Variants in NOS1AP observed in about 807,000 individuals in gnomAD.
NOS1AP encodes the protein nitric oxide synthase 1 adaptor protein.
Under a neutral mutation model 56.2 loss-of-function variants are expected in NOS1AP, and 21 were observed. That is an observed-to-expected ratio of 0.37 (90% CI 0.26 to 0.54). NOS1AP has a LOEUF of 0.54. NOS1AP is among the 20% of genes least tolerant of loss of function. The probability of loss-of-function intolerance (pLI) is 0.84; values close to 1 mark genes in which losing one functional copy is unlikely to be tolerated. For missense variants in NOS1AP, 522 were observed against 657.8 expected (o/e 0.79, Z 2.26); for synonymous variants, 270 against 274.6 (o/e 0.98, Z 0.17).
At position 162,121,082 on chromosome 1, in the gene NOS1AP, ATTTT is replaced by A. The variant is rs372854857; in HGVS notation, c.106-33305_106-33302del. ...CTGCTAAAGAACTTGGCACACTAGG[ATTTT>A]TTTTTTTTTTTTTTTTTCATTTGAA... On this transcript the variant is annotated intron_variant, in intron 1 of 9. Coordinates refer to ENST00000361897, the MANE Select transcript of NOS1AP (RefSeq NM_014697.3). Among the ~76,000 whole-genome samples the A allele has an allele frequency of 5.1e-3, 525 of 103,068 alleles. 4 individuals carry two copies. Among genetic ancestry groups the A allele is most frequent in the African/African-American group, 0.018 (490 of 27,864 alleles). The allele number at this position is 103,068 out of a possible 152,430, so 67.6% of individuals were successfully genotyped here.
intron 4 of NOS1AP, among the ~76,000 whole-genome samples, chr1:162,308,172 A>G (rs1655903710): frequency 6.6e-6 from 1 of 152,268 alleles, no homozygotes; most frequent in African/African-American, 2.4e-5. Flanking sequence ...CCCTTTAGAC[A>G]TTAATGTAGA....
intron 4 of NOS1AP, chr1:162,317,605 G>A (rs989090905): frequency 1.3e-5 from 2 of 152,196 alleles, no homozygotes; most frequent in Non-Finnish European, 2.9e-5. Context: ...AAGAGAGCAT[G>A]TAGTATTGGC....
chr1:162,110,861 T>C (rs1647682299), intron 1 of NOS1AP, among the ~76,000 whole-genome samples: 1 of 152,238 alleles, frequency 6.6e-6, no homozygotes. Context: ...GCAGCACTAA[T>C]AAATAGTAGA....
chr1:162,158,569 T>C (rs1039361851), intron 2 of NOS1AP, among the ~76,000 whole-genome samples: 4 of 152,242 alleles, frequency 2.6e-5, no homozygotes, highest in African/African-American at 9.6e-5. Context: ...ACCTCCATAC[T>C]GTTTTCCATA....
chr1:162,248,533 G>C (rs916863994), intron 2 of NOS1AP, among the ~76,000 whole-genome samples: 1 of 152,188 alleles, frequency 6.6e-6, no homozygotes, highest in Non-Finnish European at 1.5e-5. Flanking sequence ...CTTCTAATAT[G>C]CTCCGCTTTT....
Position 162,330,761 on chromosome 1 carries a change from A to G in NOS1AP, c.345-2256A>G, listed in dbSNP as rs139297923. Among the ~76,000 whole-genome samples the G allele has an allele frequency of 2.0e-3, 298 of 152,350 alleles. 1 individual carries two copies. The highest frequency in any genetic ancestry group is 6.9e-3 in the African/African-American group (287 of 41,580). On this transcript the variant is annotated intron_variant, in intron 4 of 9. Coordinates refer to ENST00000361897, the MANE Select transcript of NOS1AP (RefSeq NM_014697.3). The stretch of plus-strand genomic sequence containing the variant: ...GGTGAGTTAGGAAGCAGAGCAGCAC[A>G]CTGTTTACAGGATGTTGTAAAAATC...
chr1:162,366,842 C>A, intron 9 of NOS1AP: 2 of 641,006 alleles, frequency 3.1e-6, no homozygotes, highest in Non-Finnish European at 5.7e-6. Context: ...TTTACCACGT[C>A]CCAAAGCTCC....
chr1:162,121,179 T>G (rs1474275701), intron 1 of NOS1AP, among the ~76,000 whole-genome samples: 3 of 151,098 alleles, frequency 2.0e-5, no homozygotes, highest in Non-Finnish European at 3.0e-5. Context: ...TGTTTTTTGT[T>G]TTTTTTTTGG....
intron 1 of NOS1AP, among the ~76,000 whole-genome samples, chr1:162,090,878 A>G (rs1046469837): frequency 6.6e-6 from 1 of 152,028 alleles, no homozygotes; most frequent in Non-Finnish European, 1.5e-5. Flanking sequence ...TTTCACTATC[A>G]CATATTTCTA....
chr1:162,111,465 C>T (rs1427539111), intron 1 of NOS1AP, among the ~76,000 whole-genome samples: 6 of 152,168 alleles, frequency 3.9e-5, no homozygotes, highest in Non-Finnish European at 8.8e-5. Flanking sequence ...TGATGGGACT[C>T]ATTTCTGAGA....
At chr1:162,108,794 G>A (rs968838236) in intron 1 of NOS1AP, among the ~76,000 whole-genome samples, 3 of 152,092 alleles carry the variant, frequency 2.0e-5, no homozygotes, top group African/African-American at 7.2e-5. Context: ...ACATTTAGAA[G>A]TAGGAAACTA....
At chr1:162,227,576 G>A (rs1652984780) in intron 2 of NOS1AP, among the ~76,000 whole-genome samples, 1 of 152,164 alleles carries the variant, frequency 6.6e-6, no homozygotes, top group South Asian at 2.1e-4. Flanking sequence ...GTGGCAGGTA[G>A]CTCTCCCATG....
chr1:162,364,667 C>T, intron 8 of NOS1AP: 2 of 985,576 alleles, frequency 2.0e-6, no homozygotes, highest in Non-Finnish European at 2.4e-6. Context: ...AGGAGGCCCT[C>T]TCATGAATCA....
rs146688574 is a variant in NOS1AP at position 162,082,593 on chromosome 1, A to G, written c.105+12311A>G. 2.9e-3 allele frequency among the ~76,000 whole-genome samples: 447 copies of G among 152,256 alleles called. 12 individuals carry two copies. Among genetic ancestry groups the G allele is most frequent in the Admixed American group, 0.028 (421 of 15,294 alleles). On this transcript the variant is annotated intron_variant, in intron 1 of 9. Transcript: ENST00000361897. ...GTTCCTTTTTCTTTACAACCTTGCC[A>G]ACATCTGTTATTTTTTGACTTTTTA...
Position 162,221,532 on chromosome 1 carries a change from G to GCACA in NOS1AP, c.178-65811_178-65810insACAC, listed in dbSNP as rs764354269. 1.8e-3 allele frequency among the ~76,000 whole-genome samples: 243 copies of GCACA among 132,802 alleles called. 2 individuals are homozygous for GCACA. Among genetic ancestry groups the GCACA allele is most frequent in the African/African-American group, 6.7e-3 (206 of 30,540 alleles). The allele number at this position is 132,802 out of a possible 152,430, so 87.1% of individuals were successfully genotyped here. On this transcript the variant is annotated intron_variant, in intron 2 of 9. Transcript: ENST00000361897. Reference sequence around the variant, plus strand: ...GCAACACACACACGCACACACACGCGCGCACACACACACACACACACACAC... The same window carrying GCACA: ...GCAACACACACACGCACACACACGCGCACACGCACACACACACACACACACACAC...
intron 2 of NOS1AP, among the ~76,000 whole-genome samples, chr1:162,207,380 G>A (rs1652195123): frequency 6.6e-6 from 1 of 152,238 alleles, no homozygotes; most frequent in Non-Finnish European, 1.5e-5. Flanking sequence ...GCCCTGAGGG[G>A]TGGGGCAAGC....
chr1:162,334,744 T>C (rs900705978), intron 5 of NOS1AP, among the ~76,000 whole-genome samples: 3 of 152,248 alleles, frequency 2.0e-5, no homozygotes, highest in Non-Finnish European at 2.9e-5. Context: ...GGTTCTTTAA[T>C]AGTTAATCTT....
At chr1:162,088,710 C>T (rs1692059251) in intron 1 of NOS1AP, among the ~76,000 whole-genome samples, 1 of 152,020 alleles carries the variant, frequency 6.6e-6, no homozygotes, top group Middle Eastern at 3.2e-3. Flanking sequence ...GAGGTGTGCC[C>T]CCAAACAATG....
In NOS1AP at chr1:162,300,616, A is replaced by G. The variant is rs1356322404; in HGVS notation, c.271-17A>G. On this transcript the variant is annotated splice_polypyrimidine_tract_variant and intron_variant, in intron 3 of 9. Coordinates refer to ENST00000361897, the MANE Select transcript of NOS1AP (RefSeq NM_014697.3). ...TGGTCCTGTAACTGAGGACAAGCCTAACTTATTCATTTACAGCTTCTTTTA... is the reference window on the plus strand; with the variant it reads ...TGGTCCTGTAACTGAGGACAAGCCTGACTTATTCATTTACAGCTTCTTTTA... 1.2e-6 allele frequency: 2 copies of G among 1,609,194 alleles called. No homozygotes were observed. Among genetic ancestry groups the G allele is most frequent in the African/African-American group, 1.3e-5 (1 of 74,956 alleles).
Sources: gnomAD v4.1 joint callset for allele counts (sites outside exome capture counted in the v4.1 genomes callset) on GRCh38, gnomAD v4.1.1 for gene constraint, MANE v1.5 for transcripts, NCBI Gene and HGNC (gene_info 2026-07-23, HGNC 2026-07-21) for gene names.